The following LMO7 variants were observed in gnomAD, a reference collection of about 807,000 sequenced individuals.
LMO7 encodes the protein LIM domain only protein 7.
Under a neutral mutation model 206.5 loss-of-function variants are expected in LMO7, and 120 were observed. That is an observed-to-expected ratio of 0.58 (90% CI 0.50 to 0.68). The LOEUF (loss-of-function observed/expected upper bound fraction) is 0.68. LMO7 is among the 30% of genes least tolerant of loss of function. LMO7 has a pLI of 0.00. For missense variants in LMO7, 1,959 were observed against 1,957.9 expected (o/e 1.00, Z -0.01); for synonymous variants, 706 against 681.5 (o/e 1.04, Z -0.56).
chr13:75,631,067 C>T (rs1358442858), intron 2 of LMO7, among the ~76,000 whole-genome samples: 1 of 152,122 alleles, frequency 6.6e-6, no homozygotes, highest in Non-Finnish European at 1.5e-5. Flanking sequence ...CTCTCTGTTG[C>T]CCAGGCTGGA....
Position 75,707,918 on chromosome 13 carries a change from T to C in LMO7, c.70-5264T>C, listed in dbSNP as rs541623733. On this transcript the variant is annotated intron_variant, in intron 1 of 30. Coordinates refer to ENST00000377534, the MANE Select transcript of LMO7 (RefSeq NM_001306080.2). ...TGATCTTGCCTTTCTATCATCTTTT[T>C]GGGGGAGATGAACCATTATGGATAG... 8.5e-5 allele frequency among the ~76,000 whole-genome samples: 13 copies of C among 152,144 alleles called. 2 individuals are homozygous for C. The South Asian group carries it at 2.7e-3, about 32-fold the overall frequency.
chr13:75,733,231 G>T (rs1266059841), intron 3 of LMO7, among the ~76,000 whole-genome samples: 2 of 152,248 alleles, frequency 1.3e-5, no homozygotes, highest in African/African-American at 4.8e-5. Context: ...CCCCAGAGGT[G>T]GAGCCTACAG....
chr13:75,705,806 AAAC>A (rs1269515692), intron 1 of LMO7, among the ~76,000 whole-genome samples: 1 of 152,208 alleles, frequency 6.6e-6, no homozygotes, highest in African/African-American at 2.4e-5. Flanking sequence ...TCTTATTTTT[AAAC>A]AACCTACTTT....
intron 4 of LMO7, among the ~76,000 whole-genome samples, chr13:75,773,825 A>G (rs921199613): frequency 2.6e-5 from 4 of 152,212 alleles, no homozygotes; most frequent in Admixed American, 6.5e-5. Flanking sequence ...TGAAGCAATA[A>G]TAGTCATTTG....
In LMO7 at chr13:75,819,546, T is replaced by G; in HGVS notation, c.2207+11T>G. 6.4e-7 allele frequency: 1 copy of G among 1,566,928 alleles called. No individual in the cohort carries two copies. The highest frequency in any genetic ancestry group is 2.1e-5 in the Admixed American group (1 of 48,106). ...AATGCTGCAGGACAGGTAATAATGCTGAATGCACCTCGGTTGTAACAGGGT... is the reference window on the plus strand; with the variant it reads ...AATGCTGCAGGACAGGTAATAATGCGGAATGCACCTCGGTTGTAACAGGGT... On this transcript the variant is annotated intron_variant, in intron 13 of 30. Coordinates refer to ENST00000377534, the MANE Select transcript of LMO7 (RefSeq NM_001306080.2).
At chr13:75,708,964 C>G (rs968385569) in intron 1 of LMO7, among the ~76,000 whole-genome samples, 5 of 151,584 alleles carry the variant, frequency 3.3e-5, no homozygotes, top group Admixed American at 6.6e-5. Flanking sequence ...CACCCCACAA[C>G]AGGCCCCGGT....
Position 75,859,454 on chromosome 13 carries a change from T to C in LMO7, c.*1511T>C, listed in dbSNP as rs1210077009. 6.6e-6 allele frequency: 1 copy of C among 152,220 alleles called. No homozygotes were observed. The highest frequency in any genetic ancestry group is 1.5e-5 in the Non-Finnish European group (1 of 68,050). The allele number at this position is 152,220 out of a possible 1,614,324, so 9.4% of individuals were successfully genotyped here. On this transcript the variant is annotated 3_prime_UTR_variant, in exon 31 of 31. Transcript: ENST00000377534. ...CATGTTCTTAAAATTATTTTTATCT[T>C]TTTTCATGGTTGCATAGTGCTCCAT...
At chr13:75,689,982 T>G (rs1418691319) in intron 1 of LMO7, among the ~76,000 whole-genome samples, 3 of 152,138 alleles carry the variant, frequency 2.0e-5, no homozygotes, top group Non-Finnish European at 4.4e-5. Context: ...ACTAATACAC[T>G]TATTCCTCTC....
intron 2 of LMO7, among the ~76,000 whole-genome samples, 155 bp from the exon 3 acceptor site, chr13:75,726,874 C>T (rs2044523319): frequency 6.6e-6 from 1 of 152,052 alleles, no homozygotes; most frequent in African/African-American, 2.4e-5. Context: ...TGTCTCTAGA[C>T]TTGATATCTT....
At chr13:75,783,313 G>A (rs2051840706) in intron 4 of LMO7, among the ~76,000 whole-genome samples, 1 of 152,142 alleles carries the variant, frequency 6.6e-6, no homozygotes, top group Non-Finnish European at 1.5e-5. Flanking sequence ...TGGATAAAAT[G>A]AAGATCTGAT....
rs1311065764 is a variant in LMO7 at position 75,841,760 on chromosome 13, A to G, written c.3808A>G (p.Arg1270Gly). Residue 1270 changes from arginine (R) to glycine (G), a missense_variant, in exon 24 of 31, where the codon AGG becomes GGG. Physicochemically the swap from Arg to Gly is moderately radical, Grantham distance 125 (BLOSUM62 -2). Coordinates refer to ENST00000377534, the MANE Select transcript of LMO7 (RefSeq NM_001306080.2). ...AGGAACCCGAGCAGGAGAAGAGGAG[A>G]GGAGACAGCCACAAGAGGAAGTTGT... The part of the protein sequence containing the change: ...REGTRAGEEE[R>G]RQPQEEVVHE... 6.2e-7 allele frequency: 1 copy of G among 1,614,082 alleles called. No individual in the cohort carries two copies. The highest frequency in any genetic ancestry group is 1.1e-5 in the South Asian group (1 of 91,062).
chr13:75,625,407 G>A (rs551684503), intron 2 of LMO7, among the ~76,000 whole-genome samples: 1 of 149,578 alleles, frequency 6.7e-6, no homozygotes, highest in Admixed American at 6.8e-5. Flanking sequence ...AGGTCCAGCA[G>A]AAGATGCAAG....
At chr13:75,741,770 C>T (rs181025491) in intron 3 of LMO7, among the ~76,000 whole-genome samples, 12 of 152,216 alleles carry the variant, frequency 7.9e-5, no homozygotes, top group African/African-American at 2.9e-4. Flanking sequence ...CCAGAGATGA[C>T]ATCATACTGA....
intron 3 of LMO7, among the ~76,000 whole-genome samples, chr13:75,740,050 C>T (rs1285485004): frequency 6.6e-6 from 1 of 152,170 alleles, no homozygotes; most frequent in Non-Finnish European, 1.5e-5. Context: ...TCAAGGGTAG[C>T]ACTTTTCTGA....
intron 1 of LMO7, among the ~76,000 whole-genome samples, chr13:75,664,237 A>T (rs992546707): frequency 6.6e-6 from 1 of 152,158 alleles, no homozygotes; most frequent in African/African-American, 2.4e-5. Context: ...AAAAATAAAT[A>T]TTAATTTATA....
At chr13:75,734,881 C>T (rs1255023717) in intron 3 of LMO7, among the ~76,000 whole-genome samples, 5 of 152,124 alleles carry the variant, frequency 3.3e-5, no homozygotes, top group East Asian at 3.9e-4. Context: ...GGGCGGATCA[C>T]AAGGTCAGGA....
intron 1 of LMO7, among the ~76,000 whole-genome samples, chr13:75,646,220 T>C (rs1025877675): frequency 3.3e-5 from 5 of 152,316 alleles, no homozygotes; most frequent in Admixed American, 2.6e-4. Flanking sequence ...ACATCCAATC[T>C]GTGAAGAAAT....
chr13:75,663,206 T>C (rs1036635622), intron 1 of LMO7, among the ~76,000 whole-genome samples: 2 of 151,920 alleles, frequency 1.3e-5, no homozygotes, highest in African/African-American at 4.8e-5. Context: ...TGACTGTTTT[T>C]TAGACTTATT....
Position 75,636,547 on chromosome 13 carries a change from C to G in LMO7, c.-111C>G. On this transcript the variant is annotated 5_prime_UTR_variant, in exon 1 of 31. Transcript: ENST00000377534. The stretch of plus-strand genomic sequence containing the variant: ...GCGCCTTCGCAGCCGGAGCGGAAGC[C>G]GGAGTTGTGGGAGGCCCGCGTGCCC... 1 of 1,525,316 alleles carries G rather than the reference C, an allele frequency of 6.6e-7. No individual in the cohort carries two copies. The highest frequency in any genetic ancestry group is 1.2e-5 in the South Asian group (1 of 82,728). The allele number at this position is 1,525,316 out of a possible 1,614,324, so 94.5% of individuals were successfully genotyped here. A position where few individuals can be genotyped will look rare whatever the true frequency, so the allele number is the denominator to read the frequency against.
Sources: allele counts gnomAD v4.1 joint callset (sites outside exome capture counted in the v4.1 genomes callset), GRCh38; gene constraint gnomAD v4.1.1; transcripts MANE v1.5; gene names NCBI Gene and HGNC (gene_info 2026-07-23, HGNC 2026-07-21).